NAALADL2: variants seen among roughly 807,000 people sequenced by gnomAD.
NAALADL2 encodes N-acetylated alpha-linked acidic dipeptidase like 2.
A neutral mutation model predicts 87.2 loss-of-function variants in NAALADL2; 76 were observed. The observed-to-expected ratio is 0.87, with a 90% CI of 0.72 to 1.05. The LOEUF is 1.05. Ranked by LOEUF, NAALADL2 falls within the 50% of genes least tolerant of loss-of-function variation. The pLI is 0.00. For synonymous variants in NAALADL2, 354 were observed against 331.0 expected, an observed-to-expected ratio of 1.07 and a Z score of -0.75; for missense variants, 1,089 against 945.8, an observed-to-expected ratio of 1.15 and a Z score of -1.99.
intron 2 of NAALADL2, among the ~76,000 whole-genome samples, chr3:174,625,602 A>T (rs1651376742): frequency 6.6e-6 from 1 of 151,910 alleles, no homozygotes; most frequent in African/African-American, 2.4e-5. Context: ...ATCCTAAATA[A>T]TCAGAAATGT....
At chr3:175,514,981 C>T (rs980427348) in intron 9 of NAALADL2, among the ~76,000 whole-genome samples, 10 of 152,136 alleles carry the variant, frequency 6.6e-5, no homozygotes, top group African/African-American at 2.2e-4. Context: ...GTATAAATCC[C>T]TAAGCTCCAC....
At chr3:175,064,872 C>T (rs1714248778) in intron 1 of NAALADL2, among the ~76,000 whole-genome samples, 1 of 152,162 alleles carries the variant, frequency 6.6e-6, no homozygotes, top group Non-Finnish European at 1.5e-5. Flanking sequence ...TTCATCAAAA[C>T]TCCAACTAAA....
At chr3:175,784,910 T>A (rs1042985137) in intron 13 of NAALADL2, among the ~76,000 whole-genome samples, 4 of 120,976 alleles carry the variant, frequency 3.3e-5, no homozygotes, top group African/African-American at 1.9e-4. Flanking sequence ...TGTGTCTTTG[T>A]TCTCATTGGT....
chr3:175,583,868 G>A (rs4323016), intron 10 of NAALADL2, among the ~76,000 whole-genome samples: 19,615 of 152,042 alleles, frequency 0.13, 3,315 homozygotes, highest in African/African-American at 0.39. Context: ...TTGCCAAGAG[G>A]ACAGTAAAAT....
At chr3:175,475,203 G>A (rs1048636007) in intron 9 of NAALADL2, among the ~76,000 whole-genome samples, 1 of 151,896 alleles carries the variant, frequency 6.6e-6, no homozygotes, top group East Asian at 1.9e-4. Context: ...AATTTCTTGG[G>A]GGGATAAAAG....
At chr3:175,428,577 C>T (rs911950753) in intron 5 of NAALADL2, among the ~76,000 whole-genome samples, 3 of 152,028 alleles carry the variant, frequency 2.0e-5, no homozygotes, top group Non-Finnish European at 2.9e-5. Flanking sequence ...GTTTACTAGA[C>T]TCCTGCTTCT....
chr3:174,490,177 G>C (rs1718095427), intron 1 of NAALADL2, among the ~76,000 whole-genome samples: 1 of 151,986 alleles, frequency 6.6e-6, no homozygotes, highest in African/African-American at 2.4e-5. Flanking sequence ...ATGAATGCAA[G>C]GATAAATAAA....
rs185881519 is a variant in NAALADL2 at position 174,925,475 on chromosome 3, C to A, written c.43+66025C>A. Reference sequence around the variant, plus strand: ...ACCATGCTGTTTTGGTTACTGTAGCCTTGTAGTATAGTTTGAAGTCAGGTA... The same window carrying A: ...ACCATGCTGTTTTGGTTACTGTAGCATTGTAGTATAGTTTGAAGTCAGGTA... On this transcript the variant is annotated intron_variant, in intron 1 of 13. Transcript: ENST00000454872. Among the ~76,000 whole-genome samples, 796 of 152,218 alleles carry A rather than the reference C, an allele frequency of 5.2e-3. 9 individuals are homozygous for A. The highest frequency in any genetic ancestry group is 0.018 in the African/African-American group (741 of 41,524).
intron 3 of NAALADL2, among the ~76,000 whole-genome samples, chr3:174,778,903 A>T (rs1715579041): frequency 6.6e-6 from 1 of 152,166 alleles, no homozygotes; most frequent in South Asian, 2.1e-4. Flanking sequence ...GTTGGCTCCA[A>T]GTCTTTGCTA....
chr3:175,270,194 A>C (rs1374383619), intron 4 of NAALADL2, among the ~76,000 whole-genome samples: 1 of 152,140 alleles, frequency 6.6e-6, no homozygotes, highest in Non-Finnish European at 1.5e-5. Context: ...AATTTGGACA[A>C]GATTTCTCAT....
chr3:174,782,940 A>G (rs1716168652), intron 3 of NAALADL2, among the ~76,000 whole-genome samples: 1 of 152,114 alleles, frequency 6.6e-6, no homozygotes, highest in South Asian at 2.1e-4. Flanking sequence ...CAGCCAAACC[A>G]TATCATAAGC....
chr3:175,410,216 T>G (rs1022841691), intron 5 of NAALADL2, among the ~76,000 whole-genome samples: 9 of 152,098 alleles, frequency 5.9e-5, no homozygotes, highest in African/African-American at 2.2e-4. Context: ...GGGCTTGGGG[T>G]CCAACAGGAA....
At chr3:174,768,641 T>G (rs528831911) in intron 3 of NAALADL2, among the ~76,000 whole-genome samples, 1 of 152,292 alleles carries the variant, frequency 6.6e-6, no homozygotes, top group Non-Finnish European at 1.5e-5. Context: ...TATACCTTTT[T>G]GTCTATGACA....
chr3:175,685,449 GGTGTGTGTGT>G (rs59449046), intron 11 of NAALADL2, among the ~76,000 whole-genome samples: 9,758 of 144,656 alleles, frequency 0.067, 922 homozygotes, highest in African/African-American at 0.22. Flanking sequence ...ACCAACAGGA[GGTGTGTGTGT>G]GTGTGTGTGT....
chr3:175,468,909 T>A lies in NAALADL2; in HGVS notation c.1533+1725T>A, dbSNP rs947031522. 5.3e-5 allele frequency among the ~76,000 whole-genome samples: 8 copies of A among 152,156 alleles called. No homozygotes were observed. The South Asian group carries it at 6.2e-4, about 12-fold the overall frequency. ...GGTTAATACACATTCATTCTTAAGT[T>A]TTTGTGGGGTCATTGTACCTTTTGA... On this transcript the variant is annotated intron_variant, in intron 8 of 13. Coordinates refer to ENST00000454872, the MANE Select transcript of NAALADL2 (RefSeq NM_207015.3).
At chr3:174,927,031 A>AAC (rs1553895323) in intron 1 of NAALADL2, among the ~76,000 whole-genome samples, 2 of 147,618 alleles carry the variant, frequency 1.4e-5, no homozygotes, top group Non-Finnish European at 3.0e-5. Context: ...CAAATGAAGA[A>AAC]AAAAAAAAAA....
At chr3:175,589,482 T>G (rs1445062911) in intron 10 of NAALADL2, among the ~76,000 whole-genome samples, 2 of 152,058 alleles carry the variant, frequency 1.3e-5, no homozygotes, top group Non-Finnish European at 2.9e-5. Context: ...TCTTCTTTTT[T>G]AAATTTCTAC....
chr3:174,598,899 CCA>C (rs1288481947), intron 2 of NAALADL2, among the ~76,000 whole-genome samples: 1 of 152,004 alleles, frequency 6.6e-6, no homozygotes, highest in Non-Finnish European at 1.5e-5. Flanking sequence ...TGTGGATATA[CCA>C]TTGTCATACG....
intron 9 of NAALADL2, among the ~76,000 whole-genome samples, chr3:175,515,577 T>G (rs1731720747): frequency 6.7e-6 from 1 of 148,554 alleles, no homozygotes; most frequent in African/African-American, 2.5e-5. Context: ...AAAAAAAGCA[T>G]ACTGGATAAA....
Sources: allele counts gnomAD v4.1 joint callset (sites outside exome capture counted in the v4.1 genomes callset), GRCh38; gene constraint gnomAD v4.1.1; transcripts MANE v1.5; gene names NCBI Gene and HGNC (gene_info 2026-07-23, HGNC 2026-07-21).